The following ADNP variants were observed in gnomAD, a reference collection of about 807,000 sequenced individuals.
ADNP encodes activity-dependent neuroprotector homeobox protein.
ADNP carries 4 observed loss-of-function variants against 84.9 expected under a neutral mutation model. The ratio of observed to expected loss-of-function variants is 0.05; its 90% confidence interval spans 0.02 to 0.11. ADNP has a LOEUF of 0.11. ADNP is among the 10% of genes least tolerant of loss of function. The probability of loss-of-function intolerance (pLI) is 1.00; values close to 1 mark genes in which losing one functional copy is unlikely to be tolerated. For missense variants in ADNP, 1,132 were observed against 1,326.0 expected (o/e 0.85, Z 2.27); for synonymous variants, 554 against 468.1 (o/e 1.18, Z -2.37).
In ADNP at chr20:50,901,999, G is replaced by A. The variant is rs762781849; in HGVS notation, c.201+18C>T. ...ACCAAGCATGCTGCCATCTGAGGAAGTCTCCTGTGCCACTTACCTGGTTTT... is the reference window on the plus strand; with the variant it reads ...ACCAAGCATGCTGCCATCTGAGGAAATCTCCTGTGCCACTTACCTGGTTTT... On this transcript the variant is annotated intron_variant, in intron 5 of 5. Coordinates refer to ENST00000621696, the MANE Select transcript of ADNP (RefSeq NM_001282531.3). 2 of 1,575,826 alleles carry A rather than the reference G, an allele frequency of 1.3e-6. No individual in the cohort carries two copies. Among genetic ancestry groups the A allele is most frequent in the South Asian group, 1.1e-5 (1 of 90,218 alleles).
intron 5 of ADNP, 109 bp from the exon 6 acceptor site, chr20:50,894,621 G>A (rs534994868): frequency 7.5e-5 from 93 of 1,245,648 alleles, no homozygotes; most frequent in Non-Finnish European, 9.5e-5. Flanking sequence ...TAGGCCGCGC[G>A]TGGTGGCTCA....
Position 50,892,910 on chromosome 20 carries a change from C to G in ADNP, c.1804G>C (p.Asp602His). 6.2e-7 allele frequency: 1 copy of G among 1,614,222 alleles called. No homozygotes were observed. The highest frequency in any genetic ancestry group is 8.5e-7 in the Non-Finnish European group (1 of 1,180,054). The part of the protein sequence containing the change: ...KPQPKVQEKA[D>H]IPVKSSPQAA... The stretch of plus-strand genomic sequence containing the variant: ...TGAGGTGAACTTTTTACAGGGATAT[C>G]TGCCTTTTCCTGAACCTTTGGCTGT... The change falls in exon 6 of 6, where the codon GAT (aspartate) becomes CAT (histidine). Residue 602 changes from aspartate to histidine, a missense_variant. Around this residue, in one of 10 missense-constraint regions of ADNP, gnomAD observed 53 missense variants for 39.8 expected, o/e 1.33. Coordinates refer to ENST00000621696, the MANE Select transcript of ADNP (RefSeq NM_001282531.3).
In ADNP at chr20:50,894,281, C is replaced by A; in HGVS notation, c.433G>T (p.Asp145Tyr). Residue 145 changes from aspartate to tyrosine, a missense_variant, in exon 6 of 6, where the codon GAT (aspartate) becomes TAT (tyrosine). Around this residue, in one of 10 missense-constraint regions of ADNP, gnomAD observed 130 missense variants for 183.7 expected, o/e 0.71. Coordinates refer to ENST00000621696, the MANE Select transcript of ADNP (RefSeq NM_001282531.3). ...TTAAGGCCATCATTTTTGTTTTTATCTTTGAAAGTGCTGAGGCTGCTACTT... is the reference window on the plus strand; with the variant it reads ...TTAAGGCCATCATTTTTGTTTTTATATTTGAAAGTGCTGAGGCTGCTACTT... Reference protein sequence around the residue: ...APSSSLSTFKDKNKNDGLKPK... With the variant: ...APSSSLSTFKYKNKNDGLKPK... 1 of 1,613,640 alleles carries A rather than the reference C, an allele frequency of 6.2e-7. No homozygotes were observed. Among genetic ancestry groups the A allele is most frequent in the Non-Finnish European group, 8.5e-7 (1 of 1,179,888 alleles).
At chr20:50,903,464 G>C (rs772417726) in intron 4 of ADNP, among the ~76,000 whole-genome samples, 1 of 152,160 alleles carries the variant, frequency 6.6e-6, no homozygotes, top group African/African-American at 2.4e-5. Flanking sequence ...AGGTCAACCA[G>C]AACATTCAGG....
chr20:50,899,197 GTTT>G lies in ADNP; in HGVS notation c.201+2817_201+2819del, dbSNP rs111552447. ...AGTATGCAAGGATTTTGGTAATGAGGTTTTTTTTTTTTTTTTGAGATGAAGTCT... is the reference window on the plus strand; with the variant it reads ...AGTATGCAAGGATTTTGGTAATGAGGTTTTTTTTTTTTTGAGATGAAGTCT... On this transcript the variant is annotated intron_variant, in intron 5 of 5. Transcript: ENST00000621696. Among the ~76,000 whole-genome samples the G allele has an allele frequency of 3.5e-5, 5 of 140,944 alleles. No homozygotes were observed. In the East Asian group the frequency reaches 6.2e-4, roughly 18 times the overall value. The allele number at this position is 140,944 out of a possible 152,430, so 92.5% of individuals were successfully genotyped here.
At chr20:50,906,969 TTTTTTTG>T (rs1982540993) in intron 2 of ADNP, among the ~76,000 whole-genome samples, 2 of 94,078 alleles carry the variant, frequency 2.1e-5, no homozygotes, top group Non-Finnish European at 4.1e-5. Context: ...TCCAGTTTTT[TTTTTTTG>T]TTTTTTTTTT....
chr20:50,930,275 G>A (rs182974685), intron 1 of ADNP, among the ~76,000 whole-genome samples: 3 of 152,298 alleles, frequency 2.0e-5, no homozygotes, highest in East Asian at 1.9e-4. Flanking sequence ...CAGGATAAGA[G>A]GAAAGCTGGC....
chr20:50,922,554 G>A (rs1179629086), intron 2 of ADNP, among the ~76,000 whole-genome samples: 3 of 149,290 alleles, frequency 2.0e-5, no homozygotes, highest in Non-Finnish European at 3.0e-5. Flanking sequence ...CTATCTGGAA[G>A]CTCTCTGAAC....
At chr20:50,899,511 G>A (rs1308679997) in intron 5 of ADNP, among the ~76,000 whole-genome samples, 1 of 152,018 alleles carries the variant, frequency 6.6e-6, no homozygotes, top group Non-Finnish European at 1.5e-5. Context: ...CGCCCGGCCG[G>A]TAATGAGTTT....
Position 50,892,190 on chromosome 20 carries a change from C to A in ADNP, c.2524G>T (p.Ala842Ser). The A allele has an allele frequency of 6.2e-7, 1 of 1,614,172 alleles. No homozygotes were observed. The highest frequency in any genetic ancestry group is 8.5e-7 in the Non-Finnish European group (1 of 1,180,044). Reference protein sequence around the residue: ...NKVKHEMDFDAEWLFENHDEK... With the variant: ...NKVKHEMDFDSEWLFENHDEK... ...TCATGATTTTCAAATAGCCACTCAGCATCAAAATCCATCTCATGCTTGACT... is the reference window on the plus strand; with the variant it reads ...TCATGATTTTCAAATAGCCACTCAGAATCAAAATCCATCTCATGCTTGACT... The change falls in exon 6 of 6, where the codon GCT becomes TCT. Residue 842 changes from alanine to serine, a missense_variant. Physicochemically the swap from Ala to Ser is moderately conservative, Grantham distance 99. Transcript: ENST00000621696.
intron 2 of ADNP, among the ~76,000 whole-genome samples, chr20:50,916,773 T>C (rs146001220): frequency 1.2e-4 from 19 of 152,272 alleles, no homozygotes; most frequent in African/African-American, 4.3e-4. Context: ...AAAAAGATAG[T>C]TTGGATGGAA....
chr20:50,911,292 T>G (rs1044789165), intron 2 of ADNP, among the ~76,000 whole-genome samples: 1 of 152,188 alleles, frequency 6.6e-6, no homozygotes, highest in Non-Finnish European at 1.5e-5. Context: ...CCTAGACCAA[T>G]GTCCATGAGA....
intron 2 of ADNP, among the ~76,000 whole-genome samples, chr20:50,908,893 T>C (rs1982756831): frequency 6.6e-6 from 1 of 152,016 alleles, no homozygotes; most frequent in Non-Finnish European, 1.5e-5. Flanking sequence ...CTGCCTGAAA[T>C]TCAAGGCCCT....
At chr20:50,905,498 A>C (rs1982382470) in intron 2 of ADNP, 1 of 152,228 alleles carries the variant, frequency 6.6e-6, no homozygotes, top group Admixed American at 6.5e-5. Flanking sequence ...AACGTTAACT[A>C]TAAAAAAATG....
At chr20:50,897,426 G>C (rs1981520283) in intron 5 of ADNP, among the ~76,000 whole-genome samples, 2 of 104,130 alleles carry the variant, frequency 1.9e-5, no homozygotes, top group South Asian at 4.7e-4. Context: ...ACCTCTAGGA[G>C]CTCCTGTTGT....
chr20:50,930,496 T>G (rs1984635928), intron 1 of ADNP, among the ~76,000 whole-genome samples: 1 of 151,646 alleles, frequency 6.6e-6, no homozygotes, highest in Non-Finnish European at 1.5e-5. Context: ...GAAGCTCGGT[T>G]CTGGCTGGGG....
At chr20:50,923,412 G>T (rs540798530) in intron 2 of ADNP, among the ~76,000 whole-genome samples, 1 of 152,320 alleles carries the variant, frequency 6.6e-6, no homozygotes, top group African/African-American at 2.4e-5. Flanking sequence ...TTCACCGAAG[G>T]TAGCTTTTCA....
At chr20:50,925,040 T>C (rs953479278) in intron 2 of ADNP, among the ~76,000 whole-genome samples, 1 of 152,150 alleles carries the variant, frequency 6.6e-6, no homozygotes, top group Non-Finnish European at 1.5e-5. Context: ...AGCTGCTGTC[T>C]TGGAACCAAG....
In ADNP at chr20:50,894,527, A is replaced by G. The variant is rs966764976; in HGVS notation, c.202-15T>C. On this transcript the variant is annotated splice_polypyrimidine_tract_variant and intron_variant, in intron 5 of 5. Transcript: ENST00000621696. Reference sequence around the variant, plus strand: ...GTCCGATAGTCCTAAAGTAAACACAAAAACTAGAATTAGAATGCCACTTCA... The same window carrying G: ...GTCCGATAGTCCTAAAGTAAACACAGAAACTAGAATTAGAATGCCACTTCA... 7 of 1,558,384 alleles carry G rather than the reference A, an allele frequency of 4.5e-6. No individual in the cohort carries two copies. Among genetic ancestry groups the G allele is most frequent in the Non-Finnish European group, 6.0e-6 (7 of 1,159,272 alleles).
Sources: gnomAD v4.1 joint callset for allele counts (sites outside exome capture counted in the v4.1 genomes callset) on GRCh38, gnomAD v4.1.1 for gene constraint, gnomAD v4.1.1 regional missense constraint, MANE v1.5 for transcripts, NCBI Gene and HGNC (gene_info 2026-07-23, HGNC 2026-07-21) for gene names.